Variants in FRMPD4 observed in about 807,000 individuals in gnomAD.
The protein encoded by FRMPD4 is FERM and PDZ domain containing 4.
FRMPD4 carries 22 observed loss-of-function variants against 94.1 expected under a neutral mutation model. The observed-to-expected ratio is 0.23, with a 90% confidence interval of 0.17 to 0.33. FRMPD4 has a LOEUF of 0.33. Ranked by LOEUF, FRMPD4 falls within the 10% of genes least tolerant of loss-of-function variation. The pLI is 1.00. For missense variants in FRMPD4, 1,111 were observed against 1,339.9 expected, an observed-to-expected ratio of 0.83 and a Z score of 2.67; for synonymous variants, 631 against 548.6, an observed-to-expected ratio of 1.15 and a Z score of -2.10.
At chrX:12,108,354 T>G (rs1295760140) in intron 3 of FRMPD4, among the ~76,000 whole-genome samples, 5 of 111,564 alleles carry the variant, frequency 4.5e-5, no homozygotes, top group African/African-American at 6.5e-5. Flanking sequence ...AATAAAATCC[T>G]TTACAGACAA....
intron 3 of FRMPD4, among the ~76,000 whole-genome samples, chrX:12,042,048 T>C (rs141189712): frequency 1.1e-3 from 123 of 111,712 alleles, no homozygotes; most frequent in Non-Finnish European, 2.0e-3. Flanking sequence ...TTAGTATCTA[T>C]TTCTTCAGTG....
chrX:11,935,267 G>A (rs1046652194), intron 3 of FRMPD4, among the ~76,000 whole-genome samples: 4 of 3,237 alleles, frequency 1.2e-3, no homozygotes, highest in African/African-American at 3.1e-3. Context: ...TTTTTTTAAT[G>A]TGTTTTTTTT....
chrX:12,717,074 C>T lies in FRMPD4; in HGVS notation c.2615C>T (p.Thr872Met). 16 of 1,205,536 alleles carry T rather than the reference C, an allele frequency of 1.3e-5. No homozygotes were observed. The highest frequency in any genetic ancestry group is 1.7e-5 in the Non-Finnish European group (15 of 890,715). The change falls in exon 15 of 17, where the codon ACG (threonine) becomes ATG (methionine). Residue 872 changes from threonine to methionine, a missense_variant. Physicochemically the swap from Thr to Met is moderately conservative, Grantham distance 81. Around this residue, in one of 8 missense-constraint regions of FRMPD4, gnomAD observed 74 missense variants for 93.9 expected, o/e 0.79. Coordinates refer to ENST00000675598, the MANE Select transcript of FRMPD4 (RefSeq NM_001368397.1). ...GGACTGGATAATGCCGTCGTCTCCA[C>T]GCTGGGAGCTCTAGAGGCTCTATCC... ...EKGLDNAVVS[T>M]LGALEALSVS...
At chrX:12,228,221 A>G (rs2056945727) in intron 1 of FRMPD4, among the ~76,000 whole-genome samples, 1 of 112,337 alleles carries the variant, frequency 8.9e-6, no homozygotes. Flanking sequence ...AAATACTTTT[A>G]GGGTTTCCTT....
chrX:12,077,640 A>G (rs1194406817), intron 3 of FRMPD4, among the ~76,000 whole-genome samples: 8 of 111,480 alleles, frequency 7.2e-5, no homozygotes, highest in Non-Finnish European at 3.8e-5. Context: ...GAGGCTTTCC[A>G]GACTTCTGTT....
intron 3 of FRMPD4, among the ~76,000 whole-genome samples, chrX:12,097,600 A>C (rs2055217427): frequency 8.9e-6 from 1 of 112,245 alleles, no homozygotes; most frequent in Non-Finnish European, 1.9e-5. Flanking sequence ...AGGTCTAGCT[A>C]ATCTACTTTC....
intron 2 of FRMPD4, among the ~76,000 whole-genome samples, chrX:11,872,769 T>C (rs1200846281): frequency 8.9e-6 from 1 of 112,428 alleles, no homozygotes; most frequent in African/African-American, 3.2e-5. Flanking sequence ...CTGAAATCTA[T>C]ACCAAGGCAT....
chrX:12,537,274 T>C (rs2058348352), intron 2 of FRMPD4, among the ~76,000 whole-genome samples: 1 of 111,147 alleles, frequency 9.0e-6, no homozygotes, highest in East Asian at 2.8e-4. Context: ...TCCAAATTCA[T>C]TGCTCTCTGG....
In FRMPD4 at chrX:12,716,573, C is replaced by G; in HGVS notation, c.2114C>G (p.Ala705Gly). The G allele has an allele frequency of 4.1e-6, 5 of 1,210,818 alleles. No individual in the cohort carries two copies. The highest frequency in any genetic ancestry group is 5.6e-6 in the Non-Finnish European group (5 of 894,800). Residue 705 changes from alanine (A) to glycine (G), a missense_variant, in exon 15 of 17, where the codon GCA becomes GGA. Around this residue, in one of 8 missense-constraint regions of FRMPD4, gnomAD observed 192 missense variants for 192.5 expected, o/e 1.00. Transcript: ENST00000675598. Reference protein sequence around the residue: ...DMKGLDLTPEAEGIQFVENSV... With the variant: ...DMKGLDLTPEGEGIQFVENSV... ...AAGGGCCTGGATCTCACTCCAGAGGCAGAGGGCATCCAGTTTGTGGAAAAT... is the reference window on the plus strand; with the variant it reads ...AAGGGCCTGGATCTCACTCCAGAGGGAGAGGGCATCCAGTTTGTGGAAAAT...
At chrX:12,507,184 A>G (rs2057994371) in intron 2 of FRMPD4, among the ~76,000 whole-genome samples, 1 of 112,568 alleles carries the variant, frequency 8.9e-6, no homozygotes, top group Non-Finnish European at 1.9e-5. Context: ...TCACAAAGCA[A>G]TCCCCATGCC....
chrX:11,850,963 A>G (rs2053618097), intron 1 of FRMPD4, among the ~76,000 whole-genome samples: 1 of 112,225 alleles, frequency 8.9e-6, no homozygotes, highest in South Asian at 3.7e-4. Context: ...TATGTTGTGT[A>G]TATTTTACCA....
chrX:12,495,874 A>G (rs1313121263), intron 1 of FRMPD4, among the ~76,000 whole-genome samples: 1 of 112,150 alleles, frequency 8.9e-6, no homozygotes, highest in African/African-American at 3.2e-5. Flanking sequence ...GGTTCCAGGC[A>G]TCTGTAGTTT....
Position 12,720,414 on chromosome X carries a change from C to T in FRMPD4, c.3965-120C>T, listed in dbSNP as rs977334835. ...TTGGAAAGCAGGGTGACCTTAGCAT[C>T]GGCAGCCCTTCCAGACTACAACCTT... is the stretch of plus-strand genomic sequence containing the variant. On this transcript the variant is annotated intron_variant, in intron 16 of 16. Transcript: ENST00000675598. 10 of 687,863 alleles carry T rather than the reference C, an allele frequency of 1.5e-5. No homozygotes were observed. The East Asian group carries it at 2.3e-4, about 16-fold the overall frequency. The allele number at this position is 687,863 out of a possible 1,213,427, so 56.7% of individuals were successfully genotyped here. A position where few individuals can be genotyped will look rare whatever the true frequency, so the allele number is the denominator to read the frequency against.
At chrX:11,845,452 A>G (rs1010065384) in intron 1 of FRMPD4, among the ~76,000 whole-genome samples, 1 of 111,057 alleles carries the variant, frequency 9.0e-6, no homozygotes, top group Non-Finnish European at 1.9e-5. Flanking sequence ...CCAGAGGTAC[A>G]AAGAGGAACT....
rs1013941631 is a variant in FRMPD4 at position 12,680,565 on chromosome X, T to C, written c.469-2918T>C. Among the ~76,000 whole-genome samples the C allele has an allele frequency of 7.1e-5, 8 of 112,278 alleles. No homozygotes were observed. In the Admixed American group the frequency reaches 7.5e-4, roughly 11 times the overall value. On this transcript the variant is annotated intron_variant, in intron 5 of 16. Transcript: ENST00000675598. ...TTATCCAAAAGTAATTTCCAAAACA[T>C]TTGTCAGTTTTATGAAATAGTCACA...
At chrX:12,345,415 A>G (rs768705170) in intron 1 of FRMPD4, among the ~76,000 whole-genome samples, 38 of 111,616 alleles carry the variant, frequency 3.4e-4, no homozygotes, top group Non-Finnish European at 6.2e-4. Context: ...TCTTCTAGCA[A>G]TTGCACCTCT....
chrX:12,539,394 C>T (rs1026283079), intron 2 of FRMPD4, among the ~76,000 whole-genome samples: 11 of 111,768 alleles, frequency 9.8e-5, no homozygotes, highest in African/African-American at 3.3e-4. Flanking sequence ...AATTCCCCAA[C>T]CTAGCAAGGC....
At chrX:11,872,913 A>C (rs923872907) in intron 2 of FRMPD4, among the ~76,000 whole-genome samples, 2 of 112,425 alleles carry the variant, frequency 1.8e-5, no homozygotes, top group African/African-American at 3.2e-5. Flanking sequence ...GAGAAATTGG[A>C]ACCCTTGTGC....
At chrX:12,640,637 T>C (rs1035434425) in intron 4 of FRMPD4, among the ~76,000 whole-genome samples, 1 of 112,249 alleles carries the variant, frequency 8.9e-6, no homozygotes, top group Non-Finnish European at 1.9e-5. Context: ...ATTATGATGG[T>C]TATTTCAATA....
Sources: gnomAD v4.1 joint callset for allele counts (sites outside exome capture counted in the v4.1 genomes callset) on GRCh38, gnomAD v4.1.1 for gene constraint, gnomAD v4.1.1 regional missense constraint, MANE v1.5 for transcripts, NCBI Gene and HGNC (gene_info 2026-07-23, HGNC 2026-07-21) for gene names.